Variants in SRGAP2B observed in about 807,000 individuals in gnomAD.
SRGAP2B encodes SLIT-ROBO Rho GTPase-activating protein 2B.
A neutral mutation model predicts 22.2 loss-of-function variants in SRGAP2B; 9 were observed. That is an observed-to-expected ratio of 0.41 (90% CI 0.24 to 0.71). The LOEUF (loss-of-function observed/expected upper bound fraction) is 0.71. Among genes scored for constraint, SRGAP2B ranks in the 30% least tolerant of loss-of-function variants. The probability of loss-of-function intolerance (pLI) is 0.35; values close to 1 mark genes in which losing one functional copy is unlikely to be tolerated. For missense variants in SRGAP2B, 114 were observed against 235.8 expected (o/e 0.48, Z 3.38); for synonymous variants, 36 against 87.4 (o/e 0.41, Z 3.28).
At chr1:145,036,160 T>TA (rs1648690377) in intron 2 of SRGAP2B, among the ~76,000 whole-genome samples, 1 of 134,220 alleles carries the variant, frequency 7.5e-6, no homozygotes, top group African/African-American at 3.0e-5. Flanking sequence ...TTCCTGCAGA[T>TA]ATACAGCAAG....
intron 4 of SRGAP2B, among the ~76,000 whole-genome samples, chr1:144,939,391 T>C (rs1169375345): frequency 6.6e-6 from 1 of 150,588 alleles, no homozygotes; most frequent in Non-Finnish European, 1.5e-5. Flanking sequence ...TATGAAGCTC[T>C]CCTGACTTAC....
intron 2 of SRGAP2B, among the ~76,000 whole-genome samples, chr1:145,045,250 T>C (rs587691376): frequency 1.6e-3 from 180 of 109,770 alleles, no homozygotes; most frequent in African/African-American, 6.3e-3. Flanking sequence ...CGAGCCGAGA[T>C]CTAGCCACTG....
chr1:144,950,860 T>C (rs1204042546), intron 4 of SRGAP2B, among the ~76,000 whole-genome samples: 8 of 150,760 alleles, frequency 5.3e-5, no homozygotes, highest in Non-Finnish European at 1.2e-4. Context: ...CTCTCTTCTT[T>C]TTTTCTGAGA....
chr1:145,026,069 T>TA (rs1647699809), intron 2 of SRGAP2B, among the ~76,000 whole-genome samples: 1 of 86,032 alleles, frequency 1.2e-5, no homozygotes, highest in South Asian at 6.1e-4. Flanking sequence ...TGTGCACACT[T>TA]AGACTAAAGA....
At chr1:144,902,788 G>C (rs1222280213) in intron 7 of SRGAP2B, among the ~76,000 whole-genome samples, 1 of 127,500 alleles carries the variant, frequency 7.8e-6, no homozygotes, top group Non-Finnish European at 1.6e-5. Context: ...AGAAACATGA[G>C]AAACTTTATT....
chr1:144,910,747 G>C (rs1409794081), intron 5 of SRGAP2B, among the ~76,000 whole-genome samples: 1 of 67,670 alleles, frequency 1.5e-5, no homozygotes, highest in Non-Finnish European at 2.8e-5. Flanking sequence ...AAGAATCCCA[G>C]AGTTCTTTGG....
intron 2 of SRGAP2B, among the ~76,000 whole-genome samples, chr1:145,067,078 C>T (rs1249427182): frequency 6.7e-6 from 1 of 148,798 alleles, no homozygotes; most frequent in African/African-American, 2.6e-5. Flanking sequence ...TGCTCGAGGC[C>T]GGGAGTTCAA....
chr1:144,907,495 G>C (rs1368276689), intron 5 of SRGAP2B, among the ~76,000 whole-genome samples: 2 of 148,976 alleles, frequency 1.3e-5, no homozygotes, highest in Non-Finnish European at 3.0e-5. Flanking sequence ...TGGGAGGAAA[G>C]GTTAAATATG....
chr1:144,929,706 A>AT (rs1396288819), intron 4 of SRGAP2B, among the ~76,000 whole-genome samples: 2 of 151,206 alleles, frequency 1.3e-5, no homozygotes, highest in Non-Finnish European at 2.9e-5. Context: ...CTAGGATGAT[A>AT]GTATCTTCCA....
intron 4 of SRGAP2B, among the ~76,000 whole-genome samples, chr1:144,932,286 T>A (rs1553344340): frequency 8.6e-5 from 13 of 150,666 alleles, no homozygotes; most frequent in African/African-American, 2.5e-4. Flanking sequence ...CGGCCATATT[T>A]AACAAGAACA....
At position 144,943,648 on chromosome 1, in the gene SRGAP2B, GGAGA is replaced by G. The variant is rs1377325672; in HGVS notation, c.423+11787_423+11790del. On this transcript the variant is annotated intron_variant, in intron 4 of 9. Transcript: ENST00000612199. ...GGAGAGAGACAGAGGAGGGAGAGAA[GGAGA>G]GAGAGAGAGAAAGAGAGAGAAAAGG... 4.2e-5 allele frequency among the ~76,000 whole-genome samples: 6 copies of G among 141,502 alleles called. No homozygotes were observed. The South Asian group carries it at 1.2e-3, about 27-fold the overall frequency. 92.8% of individuals were successfully genotyped at this position (141,502 alleles called of 152,430 possible).
At chr1:145,058,685 G>A (rs1650671942) in intron 2 of SRGAP2B, among the ~76,000 whole-genome samples, 1 of 86,282 alleles carries the variant, frequency 1.2e-5, no homozygotes, top group African/African-American at 4.9e-5. Flanking sequence ...GTGCAATGGT[G>A]CGATCTCAGC....
At chr1:145,015,564 T>C (rs1336323134) in intron 2 of SRGAP2B, among the ~76,000 whole-genome samples, 1 of 148,652 alleles carries the variant, frequency 6.7e-6, no homozygotes, top group Admixed American at 6.7e-5. Context: ...AAAAAGACGA[T>C]GCTGTAGGAG....
intron 3 of SRGAP2B, among the ~76,000 whole-genome samples, chr1:144,974,035 C>A (rs1553613794): frequency 6.6e-6 from 1 of 150,950 alleles, no homozygotes; most frequent in Admixed American, 6.6e-5. Context: ...ACATAAGGTC[C>A]CTAGTCCTAG....
intron 2 of SRGAP2B, among the ~76,000 whole-genome samples, chr1:145,090,633 A>AT (rs1553636157): frequency 2.4e-5 from 3 of 124,232 alleles, no homozygotes; most frequent in Non-Finnish European, 3.3e-5. Flanking sequence ...AGAATTTTTT[A>AT]TTTTTTTCCA....
chr1:144,939,389 T>C (rs1665862369), intron 4 of SRGAP2B, among the ~76,000 whole-genome samples: 1 of 150,534 alleles, frequency 6.6e-6, no homozygotes, highest in African/African-American at 2.5e-5. Context: ...TCTATGAAGC[T>C]CTCCTGACTT....
rs3975927 is a variant in SRGAP2B, at chr1:144,921,269, C to CAA, written c.424-6517_424-6516dup. 3.5e-3 allele frequency among the ~76,000 whole-genome samples: 220 copies of CAA among 62,320 alleles called. 7 individuals are homozygous for CAA. Among genetic ancestry groups the CAA allele is most frequent in the South Asian group, 4.6e-3 (6 of 1,312 alleles). 40.9% of individuals were successfully genotyped at this position (62,320 alleles called of 152,430 possible). A position where few individuals can be genotyped will look rare whatever the true frequency, so the allele number is the denominator to read the frequency against. ...AAGCTAGATATTGAATCTAGCTTGC[C>CAA]AAAAAAAAAAAAAAAAAAAAAAAAA... On this transcript the variant is annotated intron_variant, in intron 4 of 9. Transcript: ENST00000612199.
chr1:144,957,860 C>T (rs1289862634), intron 3 of SRGAP2B, among the ~76,000 whole-genome samples: 1 of 147,302 alleles, frequency 6.8e-6, no homozygotes, highest in African/African-American at 2.6e-5. Context: ...AGTAAGCATG[C>T]TTTTTAAAGG....
chr1:144,969,152 T>C (rs2102002071), intron 3 of SRGAP2B, among the ~76,000 whole-genome samples: 1 of 110,216 alleles, frequency 9.1e-6, no homozygotes, highest in East Asian at 2.7e-4. Flanking sequence ...ACTTTAAAGT[T>C]CATATGGAAC....
Sources: gnomAD v4.1 joint callset for allele counts (sites outside exome capture counted in the v4.1 genomes callset) on GRCh38, gnomAD v4.1.1 for gene constraint, MANE v1.5 for transcripts, NCBI Gene and HGNC (gene_info 2026-07-23, HGNC 2026-07-21) for gene names.